GABRB2: variants seen among roughly 807,000 people sequenced by gnomAD.
The protein encoded by GABRB2 is gamma-aminobutyric acid type A receptor subunit beta2.
In GABRB2, 16 loss-of-function variants were observed where a neutral mutation model predicts 54.7. The observed-to-expected ratio is 0.29, with a 90% CI of 0.20 to 0.44. GABRB2 has a LOEUF of 0.44. GABRB2 is among the 20% of genes least tolerant of loss of function. The pLI, the probability that GABRB2 is intolerant of heterozygous loss-of-function variation, is 1.00. For synonymous variants in GABRB2, 244 were observed against 233.8 expected, an observed-to-expected ratio of 1.04 and a Z score of -0.40; for missense variants, 355 against 644.0, an observed-to-expected ratio of 0.55 and a Z score of 4.86.
At chr5:161,463,192 C>A (rs1758165560) in intron 3 of GABRB2, among the ~76,000 whole-genome samples, 1 of 151,882 alleles carries the variant, frequency 6.6e-6, no homozygotes, top group African/African-American at 2.4e-5. Context: ...TACCTGATGA[C>A]TATGCAAAGT....
At chr5:161,298,090 C>T (rs153303) in intron 9 of GABRB2, among the ~76,000 whole-genome samples, 18,965 of 152,042 alleles carry the variant, frequency 0.12, 1,273 homozygotes, top group Non-Finnish European at 0.14. Flanking sequence ...TTTTGGGAAG[C>T]GTCTGTTCAT....
At chr5:161,434,339 G>A (rs1162677140) in intron 4 of GABRB2, among the ~76,000 whole-genome samples, 1 of 152,086 alleles carries the variant, frequency 6.6e-6, no homozygotes, top group African/African-American at 2.4e-5. Flanking sequence ...TTATCAAAAA[G>A]ACAAGTAAAT....
chr5:161,517,999 G>A (rs1354730110), intron 3 of GABRB2, among the ~76,000 whole-genome samples: 1 of 152,012 alleles, frequency 6.6e-6, no homozygotes, highest in African/African-American at 2.4e-5. Context: ...TAGTAGAGTC[G>A]GGGTTTCCCC....
chr5:161,316,295 C>T (rs1758025666), intron 9 of GABRB2, among the ~76,000 whole-genome samples: 1 of 152,026 alleles, frequency 6.6e-6, no homozygotes, highest in African/African-American at 2.4e-5. Context: ...ATTAATTTGT[C>T]TTCGTGAAGA....
At chr5:161,323,984 A>C (rs1419845657) in intron 9 of GABRB2, among the ~76,000 whole-genome samples, 3 of 152,188 alleles carry the variant, frequency 2.0e-5, no homozygotes, top group Non-Finnish European at 4.4e-5. Context: ...ACCTGTCAGC[A>C]ATGTGATGTT....
At chr5:161,382,353 G>A (rs1004507983) in intron 5 of GABRB2, among the ~76,000 whole-genome samples, 2 of 152,132 alleles carry the variant, frequency 1.3e-5, no homozygotes, top group Non-Finnish European at 2.9e-5. Context: ...GACTGAGGGG[G>A]TACAGAATTG....
intron 5 of GABRB2, among the ~76,000 whole-genome samples, chr5:161,392,480 A>G (rs900295164): frequency 2.0e-5 from 3 of 152,150 alleles, no homozygotes; most frequent in Admixed American, 2.0e-4. Context: ...CCCCAAATCA[A>G]TGCTCCTTCA....
At chr5:161,477,375 A>G (rs1472981012) in intron 3 of GABRB2, among the ~76,000 whole-genome samples, 4 of 151,676 alleles carry the variant, frequency 2.6e-5, no homozygotes, top group African/African-American at 9.7e-5. Flanking sequence ...AAAATGGTGC[A>G]GCTGCTTTGG....
intron 9 of GABRB2, among the ~76,000 whole-genome samples, chr5:161,313,151 G>A (rs967609284): frequency 1.3e-5 from 2 of 152,188 alleles, no homozygotes; most frequent in African/African-American, 4.8e-5. Context: ...AAGCAGTGCT[G>A]CAGAATGAGC....
At chr5:161,449,996 G>A (rs1172892099) in intron 4 of GABRB2, among the ~76,000 whole-genome samples, 1 of 152,094 alleles carries the variant, frequency 6.6e-6, no homozygotes, top group African/African-American at 2.4e-5. Context: ...ATTTTCAAAA[G>A]CCCATTAATA....
chr5:161,490,944 T>C (rs1759077949), intron 3 of GABRB2, among the ~76,000 whole-genome samples: 1 of 151,694 alleles, frequency 6.6e-6, no homozygotes, highest in Admixed American at 6.6e-5. Flanking sequence ...CACTCTAGTA[T>C]CCAATTACTG....
intron 4 of GABRB2, among the ~76,000 whole-genome samples, chr5:161,419,800 G>C (rs976600027): frequency 6.6e-6 from 1 of 152,110 alleles, no homozygotes; most frequent in African/African-American, 2.4e-5. Context: ...ACACACTGGG[G>C]ACTGCAAAAG....
chr5:161,294,461 A>G (rs1297265264), intron 9 of GABRB2, 33 bp from the exon 10 acceptor site: 1 of 1,582,500 alleles, frequency 6.3e-7, no homozygotes, highest in East Asian at 2.2e-5. Flanking sequence ...AGACAATCAG[A>G]ACAATGAAGC....
At chr5:161,490,278 C>A (rs139691753) in intron 3 of GABRB2, among the ~76,000 whole-genome samples, 88 of 151,630 alleles carry the variant, frequency 5.8e-4, no homozygotes, top group African/African-American at 2.0e-3. Flanking sequence ...ATAGAATAAA[C>A]ATAAATCTCC....
chr5:161,461,782 G>T (rs1295980554), intron 3 of GABRB2, among the ~76,000 whole-genome samples: 2 of 152,106 alleles, frequency 1.3e-5, no homozygotes, highest in Non-Finnish European at 2.9e-5. Flanking sequence ...AACCTGAGAG[G>T]CTAGAGCAGT....
At chr5:161,436,935 A>T (rs1280338797) in intron 4 of GABRB2, among the ~76,000 whole-genome samples, 1 of 152,138 alleles carries the variant, frequency 6.6e-6, no homozygotes, top group Non-Finnish European at 1.5e-5. Flanking sequence ...CAGAGAAAGC[A>T]TTTAAACCAG....
intron 3 of GABRB2, among the ~76,000 whole-genome samples, chr5:161,491,890 C>G (rs1308653848): frequency 6.6e-6 from 1 of 151,610 alleles, no homozygotes; most frequent in Non-Finnish European, 1.5e-5. Flanking sequence ...AAATGAGTAA[C>G]AAGAGGCAGT....
intron 3 of GABRB2, among the ~76,000 whole-genome samples, chr5:161,516,331 C>T (rs1054804764): frequency 6.6e-6 from 1 of 152,080 alleles, no homozygotes; most frequent in African/African-American, 2.4e-5. Flanking sequence ...CTCATAACAA[C>T]CCCAAGAGGT....
chr5:161,472,525 G>A (rs1418637276), intron 3 of GABRB2, among the ~76,000 whole-genome samples: 1 of 151,616 alleles, frequency 6.6e-6, no homozygotes, highest in Admixed American at 6.6e-5. Context: ...TTTCTCGGGT[G>A]GGGGTGGGGA....
Sources: allele counts gnomAD v4.1 joint callset (sites outside exome capture counted in the v4.1 genomes callset), GRCh38; gene constraint gnomAD v4.1.1; transcripts MANE v1.5; gene names NCBI Gene and HGNC (gene_info 2026-07-23, HGNC 2026-07-21).